The following NRXN1 variants were observed in gnomAD, a reference collection of about 807,000 sequenced individuals.
The protein encoded by NRXN1 is neurexin-1.
In NRXN1, 39 loss-of-function variants were observed where a neutral mutation model predicts 150.9. The ratio of observed to expected loss-of-function variants is 0.26; its 90% CI spans 0.20 to 0.34. The LOEUF is 0.34. NRXN1 is among the 10% of genes least tolerant of loss of function. NRXN1 has a pLI of 1.00. For missense variants in NRXN1, 1,815 were observed against 1,949.9 expected, an observed-to-expected ratio of 0.93 and a Z score of 1.30; for synonymous variants, 924 against 757.0, an observed-to-expected ratio of 1.22 and a Z score of -3.62.
intron 18 of NRXN1, among the ~76,000 whole-genome samples, chr2:50,235,148 C>A (rs957927444): frequency 3.3e-5 from 5 of 151,948 alleles, no homozygotes; most frequent in Admixed American, 2.6e-4. Context: ...CCCTTGTTTT[C>A]ATTTTTATTT....
intron 5 of NRXN1, among the ~76,000 whole-genome samples, chr2:50,762,588 G>A (rs534138653): frequency 2.8e-4 from 43 of 151,884 alleles, no homozygotes; most frequent in African/African-American, 7.5e-4. Context: ...GGGAACATAC[G>A]GTATTTGGTT....
At chr2:50,311,605 G>T (rs563295239) in intron 17 of NRXN1, among the ~76,000 whole-genome samples, 1 of 152,178 alleles carries the variant, frequency 6.6e-6, no homozygotes, top group African/African-American at 2.4e-5. Flanking sequence ...AAGCTCAAAA[G>T]GACCCTAGAA....
At chr2:49,946,169 C>T (rs1031755820) in intron 21 of NRXN1, among the ~76,000 whole-genome samples, 4 of 151,992 alleles carry the variant, frequency 2.6e-5, no homozygotes, top group South Asian at 4.1e-4. Flanking sequence ...GTGTGTTGGC[C>T]GTATAAATGT....
chr2:50,509,481 C>T (rs1372643860), intron 12 of NRXN1, among the ~76,000 whole-genome samples: 3 of 152,182 alleles, frequency 2.0e-5, no homozygotes, highest in Non-Finnish European at 2.9e-5. Context: ...TGTCTCCACC[C>T]ACAATCAGCA....
intron 2 of NRXN1, chr2:51,026,294 A>G: frequency 1.1e-6 from 1 of 914,860 alleles, no homozygotes; most frequent in Non-Finnish European, 1.8e-6. Flanking sequence ...CCTTGCTTTG[A>G]CCCATAAGCT....
intron 21 of NRXN1, among the ~76,000 whole-genome samples, chr2:50,030,106 G>T (rs555834687): frequency 5.9e-5 from 9 of 152,170 alleles, no homozygotes; most frequent in Non-Finnish European, 1.0e-4. Context: ...GGGTCTCTTT[G>T]GTTGGAAGAA....
At chr2:50,640,128 C>A (rs943489974) in intron 5 of NRXN1, among the ~76,000 whole-genome samples, 1 of 152,072 alleles carries the variant, frequency 6.6e-6, no homozygotes, top group Non-Finnish European at 1.5e-5. Context: ...AACTAAAGAG[C>A]ATTAAAAAAT....
intron 5 of NRXN1, among the ~76,000 whole-genome samples, chr2:50,806,020 A>T (rs1667463125): frequency 6.6e-6 from 1 of 152,164 alleles, no homozygotes; most frequent in Non-Finnish European, 1.5e-5. Flanking sequence ...GACTTTCATA[A>T]TATTTCCATT....
chr2:50,644,952 T>C (rs1403424722), intron 5 of NRXN1, among the ~76,000 whole-genome samples: 1 of 151,600 alleles, frequency 6.6e-6, no homozygotes, highest in Non-Finnish European at 1.5e-5. Context: ...CATAAATTTC[T>C]TCATTTTGAT....
Position 50,768,701 on chromosome 2 carries a change from G to A in NRXN1, c.833-145086C>T, listed in dbSNP as rs113681558. Among the ~76,000 whole-genome samples, 402 of 152,078 alleles carry A rather than the reference G, an allele frequency of 2.6e-3. 2 individuals are homozygous for A. The highest frequency in any genetic ancestry group is 9.2e-3 in the African/African-American group (380 of 41,494). On this transcript the variant is annotated intron_variant, in intron 5 of 22. Coordinates refer to ENST00000401669, the MANE Select transcript of NRXN1 (RefSeq NM_001330078.2). ...AGTGGTCAGCAGTAATCTCAGAGAAGATGCTATGTGGAAGGGATAGCTGGT... is the reference window on the plus strand; with the variant it reads ...AGTGGTCAGCAGTAATCTCAGAGAAAATGCTATGTGGAAGGGATAGCTGGT...
At chr2:50,217,722 C>T (rs976097204) in intron 18 of NRXN1, among the ~76,000 whole-genome samples, 1 of 152,004 alleles carries the variant, frequency 6.6e-6, no homozygotes, top group Non-Finnish European at 1.5e-5. Flanking sequence ...ACCCAGAGTC[C>T]TATGCAGAAA....
At chr2:50,691,444 T>C (rs566923569) in intron 5 of NRXN1, among the ~76,000 whole-genome samples, 2 of 152,316 alleles carry the variant, frequency 1.3e-5, no homozygotes, top group Non-Finnish European at 2.9e-5. Flanking sequence ...TTTTTAAACA[T>C]TGAAGTTAAA....
chr2:50,962,017 A>C lies in NRXN1; in HGVS notation c.773-36062T>G, dbSNP rs1439296450. On this transcript the variant is annotated intron_variant, in intron 2 of 22. Transcript: ENST00000401669. ...ATAAAAAACTAAAGGCAATATAAGA[A>C]ATCTCAAGCATTTGCAGAATAAAAT... Among the ~76,000 whole-genome samples, 4 of 151,864 alleles carry C rather than the reference A, an allele frequency of 2.6e-5. No individual in the cohort carries two copies. In the South Asian group the frequency reaches 6.2e-4, roughly 24 times the overall value.
At chr2:50,000,351 T>C (rs1683703874) in intron 21 of NRXN1, among the ~76,000 whole-genome samples, 1 of 152,176 alleles carries the variant, frequency 6.6e-6, no homozygotes, top group South Asian at 2.1e-4. Flanking sequence ...GGAAATTATA[T>C]AACTAGAGAT....
At chr2:50,598,705 T>TACATATATATGTATATATAC (rs1465744317) in intron 8 of NRXN1, among the ~76,000 whole-genome samples, 2 of 147,616 alleles carry the variant, frequency 1.4e-5, no homozygotes, top group South Asian at 2.1e-4. Flanking sequence ...TATATATATA[T>TACATATATATGTATATATAC]ACATATATAT....
chr2:50,732,765 C>G (rs184633046), intron 5 of NRXN1, among the ~76,000 whole-genome samples: 2 of 152,234 alleles, frequency 1.3e-5, no homozygotes, highest in Admixed American at 1.3e-4. Flanking sequence ...CTTCTATGTA[C>G]TATATCCCTC....
chr2:50,169,728 A>G (rs959840812), intron 18 of NRXN1, among the ~76,000 whole-genome samples: 1 of 139,078 alleles, frequency 7.2e-6, no homozygotes, highest in Non-Finnish European at 1.5e-5. Flanking sequence ...AAAAAAAAAA[A>G]GAAAGAAAGA....
chr2:49,929,888 C>T (rs1018378003), intron 22 of NRXN1, among the ~76,000 whole-genome samples: 3 of 152,140 alleles, frequency 2.0e-5, no homozygotes, highest in Middle Eastern at 6.8e-3. Flanking sequence ...GAGAGGCATA[C>T]AAGAAGGAAT....
chr2:50,641,062 T>C (rs369217113), intron 5 of NRXN1, among the ~76,000 whole-genome samples: 60 of 152,226 alleles, frequency 3.9e-4, no homozygotes, highest in African/African-American at 1.4e-3. Context: ...CTTTAACAAG[T>C]TGACACATTT....
Sources: gnomAD v4.1 joint callset for allele counts (sites outside exome capture counted in the v4.1 genomes callset) on GRCh38, gnomAD v4.1.1 for gene constraint, MANE v1.5 for transcripts, NCBI Gene and HGNC (gene_info 2026-07-23, HGNC 2026-07-21) for gene names.